The following CNTLN variants were observed in gnomAD, a reference collection of about 807,000 sequenced individuals.
CNTLN encodes centlein.
In CNTLN, 212 loss-of-function variants were observed where a neutral mutation model predicts 180.0. The observed-to-expected ratio is 1.18, with a 90% CI of 1.05 to 1.32. The LOEUF is 1.32. Ranked by LOEUF, CNTLN falls within the 40% of genes most tolerant of loss-of-function variation. The probability of loss-of-function intolerance (pLI) is 0.00; values close to 1 mark genes in which losing one functional copy is unlikely to be tolerated. For synonymous variants in CNTLN, 722 were observed against 563.1 expected, an observed-to-expected ratio of 1.28 and a Z score of -3.99; for missense variants, 2,095 against 1,610.9, an observed-to-expected ratio of 1.30 and a Z score of -5.14.
intron 12 of CNTLN, among the ~76,000 whole-genome samples, chr9:17,353,297 T>G (rs1822530293): frequency 6.6e-6 from 1 of 150,998 alleles, no homozygotes. Flanking sequence ...TTTTTTTTTT[T>G]TTTTTTTTAC....
chr9:17,385,745 CA>C (rs1474472501), intron 13 of CNTLN, among the ~76,000 whole-genome samples: 1 of 152,088 alleles, frequency 6.6e-6, no homozygotes, highest in African/African-American at 2.4e-5. Context: ...ACAATATTTA[CA>C]TAGCATTTAC....
At chr9:17,152,767 C>A (rs1002906667) in intron 2 of CNTLN, among the ~76,000 whole-genome samples, 2 of 152,088 alleles carry the variant, frequency 1.3e-5, no homozygotes, top group African/African-American at 4.8e-5. Context: ...GGGTGTCAAA[C>A]TCACCCACTA....
chr9:17,490,902 C>T (rs1044430191), intron 25 of CNTLN, among the ~76,000 whole-genome samples: 1 of 152,022 alleles, frequency 6.6e-6, no homozygotes, highest in Non-Finnish European at 1.5e-5. Context: ...TGTCTAGTGG[C>T]TGTAAATATG....
At chr9:17,363,005 G>T (rs1300957377) in intron 12 of CNTLN, among the ~76,000 whole-genome samples, 1 of 152,038 alleles carries the variant, frequency 6.6e-6, no homozygotes, top group African/African-American at 2.4e-5. Flanking sequence ...TTTCTGTTTT[G>T]TTAGTTTGCT....
chr9:17,358,640 A>T (rs912066979), intron 12 of CNTLN, among the ~76,000 whole-genome samples: 1 of 152,168 alleles, frequency 6.6e-6, no homozygotes, highest in East Asian at 1.9e-4. Flanking sequence ...ATTATTTTCC[A>T]TACTTTTTTA....
chr9:17,277,911 C>A (rs1315462499), intron 6 of CNTLN, among the ~76,000 whole-genome samples: 2 of 152,048 alleles, frequency 1.3e-5, no homozygotes, highest in Non-Finnish European at 2.9e-5. Flanking sequence ...CATAAAGATA[C>A]CAGTTCTCTC....
At chr9:17,213,981 A>C (rs567418218) in intron 2 of CNTLN, among the ~76,000 whole-genome samples, 5 of 152,100 alleles carry the variant, frequency 3.3e-5, no homozygotes, top group African/African-American at 1.2e-4. Context: ...TGAATACAGC[A>C]CACTGATGGG....
rs376487498 is a variant in CNTLN, at chr9:17,388,238, G to A, written c.2064G>A (p.Glu688=). 58 of 1,609,376 alleles carry A rather than the reference G, an allele frequency of 3.6e-5. No homozygotes were observed. Among genetic ancestry groups the A allele is most frequent in the Non-Finnish European group, 4.8e-5 (57 of 1,176,190 alleles). Residue 688 remains glutamate (E), a synonymous_variant, in exon 14 of 26, where the codon GAG becomes GAA. Coordinates refer to ENST00000380647, the MANE Select transcript of CNTLN (RefSeq NM_017738.4). ...TPEKNGKEML[E]QTLQKVTELE... ...AGAAGAATGGAAAAGAAATGTTGGA[G>A]CAGACATTACAGAAGGTAGTCTAAT...
At chr9:17,202,289 G>A (rs1469703478) in intron 2 of CNTLN, among the ~76,000 whole-genome samples, 10 of 152,152 alleles carry the variant, frequency 6.6e-5, no homozygotes, top group Admixed American at 6.5e-4. Context: ...GTAATGTGGT[G>A]CTGAGAAGAA....
At chr9:17,438,613 C>T (rs1829925134) in intron 18 of CNTLN, among the ~76,000 whole-genome samples, 1 of 152,034 alleles carries the variant, frequency 6.6e-6, no homozygotes, top group Non-Finnish European at 1.5e-5. Context: ...GAAACTAAAT[C>T]CTTAGGATCT....
At chr9:17,485,278 A>G (rs1211793362) in intron 24 of CNTLN, among the ~76,000 whole-genome samples, 2 of 152,144 alleles carry the variant, frequency 1.3e-5, no homozygotes, top group Non-Finnish European at 2.9e-5. Context: ...TCTGTATGAG[A>G]TCATCCTCTG....
chr9:17,260,533 TAA>T (rs1826882281), intron 5 of CNTLN, among the ~76,000 whole-genome samples: 1 of 151,372 alleles, frequency 6.6e-6, no homozygotes. Context: ...CTTGTTGACT[TAA>T]GTTTCTTATG....
intron 25 of CNTLN, among the ~76,000 whole-genome samples, chr9:17,490,188 C>G (rs1176806451): frequency 6.6e-6 from 1 of 152,006 alleles, no homozygotes; most frequent in African/African-American, 2.4e-5. Flanking sequence ...TGCTGAAGGC[C>G]AACATTGTAG....
chr9:17,316,499 A>G (rs187423461), intron 8 of CNTLN, among the ~76,000 whole-genome samples: 25 of 152,164 alleles, frequency 1.6e-4, no homozygotes, highest in African/African-American at 5.8e-4. Flanking sequence ...TTGAAAGTGC[A>G]TTTTTGACAT....
intron 2 of CNTLN, among the ~76,000 whole-genome samples, chr9:17,152,674 GT>G (rs1036463472): frequency 2.5e-4 from 38 of 152,216 alleles, no homozygotes; most frequent in African/African-American, 7.7e-4. Flanking sequence ...TGTCTATTAG[GT>G]CCCCCTGGTC....
At chr9:17,291,265 A>G (rs34256131) in intron 6 of CNTLN, among the ~76,000 whole-genome samples, 34,819 of 152,116 alleles carry the variant, frequency 0.23, 4,232 homozygotes, top group South Asian at 0.36. Context: ...TGTGTCGCCA[A>G]GAAGAATATA....
chr9:17,416,160 C>T lies in CNTLN; in HGVS notation c.3085C>T (p.Arg1029Ter), dbSNP rs202014086. 8.1e-5 allele frequency: 130 copies of T among 1,613,018 alleles called. No individual in the cohort carries two copies. The highest frequency in any genetic ancestry group is 1.2e-4 in the Admixed American group (7 of 59,930). ...LLHQQQVSDQ[R>*]FQTSRQTIKK... is the part of the protein sequence containing the mutation. Reference sequence around the variant, plus strand: ...CCATCAACAGCAAGTATCCGATCAACGATTTCAGACAAGCAGGCAGACAAT... The same window carrying T: ...CCATCAACAGCAAGTATCCGATCAATGATTTCAGACAAGCAGGCAGACAAT... The change falls in exon 18 of 26, where the codon CGA (arginine) becomes TGA (stop). Residue 1029 changes from arginine to a stop codon, truncating the protein, a stop_gained. Coordinates refer to ENST00000380647, the MANE Select transcript of CNTLN (RefSeq NM_017738.4). LOFTEE classifies it high-confidence loss of function.
chr9:17,348,836 C>T (rs964671755), intron 12 of CNTLN, among the ~76,000 whole-genome samples: 7 of 152,088 alleles, frequency 4.6e-5, no homozygotes, highest in African/African-American at 1.4e-4. Context: ...GGCCCTCACT[C>T]TGCTTTCATT....
At chr9:17,388,744 G>T (rs1825873437) in intron 14 of CNTLN, among the ~76,000 whole-genome samples, 1 of 151,746 alleles carries the variant, frequency 6.6e-6, no homozygotes. Context: ...ATACCAGTAT[G>T]ATTTAGTACA....
Sources: gnomAD v4.1 joint callset for allele counts (sites outside exome capture counted in the v4.1 genomes callset) on GRCh38, gnomAD v4.1.1 for gene constraint, MANE v1.5 for transcripts, NCBI Gene and HGNC (gene_info 2026-07-23, HGNC 2026-07-21) for gene names.